The following LIPA variants were observed in gnomAD, a reference collection of about 807,000 sequenced individuals.
LIPA encodes lysosomal acid lipase/cholesteryl ester hydrolase.
A neutral mutation model predicts 40.6 loss-of-function variants in LIPA; 26 were observed. The ratio of observed to expected loss-of-function variants is 0.64; its 90% CI spans 0.47 to 0.89. The LOEUF (loss-of-function observed/expected upper bound fraction) is 0.89, where lower values mean the gene tolerates loss of function less well. Among genes scored for constraint, LIPA ranks in the 40% least tolerant of loss-of-function variants. The pLI, the probability that LIPA is intolerant of heterozygous loss-of-function variation, is 0.00. For synonymous variants in LIPA, 188 were observed against 168.4 expected, an observed-to-expected ratio of 1.12 and a Z score of -0.90; for missense variants, 455 against 479.6, an observed-to-expected ratio of 0.95 and a Z score of 0.48.
At chr10:89,286,570 C>A (rs570218748) in intron 1 of LIPA, among the ~76,000 whole-genome samples, 1 of 152,136 alleles carries the variant, frequency 6.6e-6, no homozygotes. Flanking sequence ...AATCAGTTAG[C>A]GTTTAGGCTC....
intron 1 of LIPA, among the ~76,000 whole-genome samples, chr10:89,249,273 G>T (rs1319709845): frequency 6.6e-6 from 1 of 152,236 alleles, no homozygotes; most frequent in Non-Finnish European, 1.5e-5. Context: ...TGGCAGTGAT[G>T]ACTCAAAATC....
At chr10:89,329,776 A>C (rs994391529) in intron 1 of LIPA, among the ~76,000 whole-genome samples, 1 of 152,202 alleles carries the variant, frequency 6.6e-6, no homozygotes, top group Non-Finnish European at 1.5e-5. Context: ...GTTTCATGCA[A>C]GTCCGTGTGA....
rs1251334725 is a variant in LIPA, at chr10:89,384,687, G to A, written c.61+28104C>T. ...AAGGAGAAGTAAGTGATGCTTTGCT[G>A]TGCTATGAGAGGGCTCTGAGGCTGG... On this transcript the variant is annotated intron_variant, in intron 2 of 8. Transcript: ENST00000371837. 10 of 1,614,070 alleles carry A rather than the reference G, an allele frequency of 6.2e-6. No individual in the cohort carries two copies. In the Admixed American group the frequency reaches 1.7e-4, roughly 27 times the overall value.
intron 1 of LIPA, among the ~76,000 whole-genome samples, chr10:89,257,679 A>G (rs1843187958): frequency 6.6e-6 from 1 of 152,174 alleles, no homozygotes; most frequent in South Asian, 2.1e-4. Context: ...TAGTTTAGGG[A>G]GGCCAAATCC....
chr10:89,402,661 C>CAA, intron 2 of LIPA: 1 of 1,614,224 alleles, frequency 6.2e-7, no homozygotes, highest in African/African-American at 1.3e-5. Context: ...AAGAAGCTTT[C>CAA]AAATCCCTTC....
chr10:89,409,262 G>C (rs992887316), intron 2 of LIPA, among the ~76,000 whole-genome samples: 1 of 152,158 alleles, frequency 6.6e-6, no homozygotes, highest in East Asian at 1.9e-4. Context: ...TAGGGACCAA[G>C]AGGAACAGGC....
At chr10:89,254,431 G>C (rs532174400), upstream of LIPA, among the ~76,000 whole-genome samples, 35 of 152,250 alleles carry the variant, frequency 2.3e-4, no homozygotes, top group East Asian at 3.9e-3. Flanking sequence ...AGAGTGACTG[G>C]GACACAGGCT....
In LIPA at chr10:89,245,659, T is replaced by G; in HGVS notation, c.229+17A>C. ...CCAGAAGAATTCTGGTTTTTACTTT[T>G]AAGAGCCTTCCCATACCTTTGTCAG... On this transcript the variant is annotated intron_variant, in intron 3 of 9. Transcript: ENST00000336233. 1 of 1,317,210 alleles carries G rather than the reference T, an allele frequency of 7.6e-7. No individual in the cohort carries two copies. The highest frequency in any genetic ancestry group is 1.1e-6 in the Non-Finnish European group (1 of 909,756). The allele number at this position is 1,317,210 out of a possible 1,614,324, so 81.6% of individuals were successfully genotyped here.
At chr10:89,231,609 G>A (rs962115978) in intron 3 of LIPA, among the ~76,000 whole-genome samples, 1 of 152,150 alleles carries the variant, frequency 6.6e-6, no homozygotes, top group Non-Finnish European at 1.5e-5. Flanking sequence ...GAAGAACTGG[G>A]ATTACAGGTG....
At chr10:89,287,815 T>A (rs1290058273) in intron 1 of LIPA, among the ~76,000 whole-genome samples, 1 of 152,180 alleles carries the variant, frequency 6.6e-6, no homozygotes, top group Non-Finnish European at 1.5e-5. Flanking sequence ...AGACAGGTCT[T>A]ACAGGTTAGT....
At chr10:89,396,148 T>C (rs1417145744) in intron 2 of LIPA, among the ~76,000 whole-genome samples, 6 of 152,194 alleles carry the variant, frequency 3.9e-5, no homozygotes, top group Admixed American at 6.5e-5. Flanking sequence ...TATGGTAATA[T>C]TATGTTTAAC....
At position 89,383,478 on chromosome 10, in the gene LIPA, C is replaced by A; in HGVS notation, c.61+29313G>T. ...ACACCAAATACAATGTGGGAATACA[C>A]AACCTACTAGCCTATGTGAAACACC... On this transcript the variant is annotated intron_variant, in intron 2 of 8. Transcript: ENST00000371837. 1.2e-6 allele frequency: 2 copies of A among 1,614,218 alleles called. No individual in the cohort carries two copies.
intron 2 of LIPA, among the ~76,000 whole-genome samples, chr10:89,361,557 C>G (rs187914542): frequency 6.6e-6 from 1 of 152,068 alleles, no homozygotes; most frequent in Non-Finnish European, 1.5e-5. Context: ...TCCTGAGAAA[C>G]GAAAGTGTCA....
intron 2 of LIPA, among the ~76,000 whole-genome samples, chr10:89,390,842 A>AT (rs1354765174): frequency 1.3e-5 from 2 of 152,308 alleles, no homozygotes; most frequent in Non-Finnish European, 2.9e-5. Flanking sequence ...TTGAAAACCC[A>AT]TTTTTTCCCA....
chr10:89,231,873 G>A (rs1842846476), intron 3 of LIPA, among the ~76,000 whole-genome samples: 1 of 152,154 alleles, frequency 6.6e-6, no homozygotes, highest in African/African-American at 2.4e-5. Flanking sequence ...GACAAGATTA[G>A]GGCTGCTTTA....
chr10:89,355,527 T>C lies in LIPA; in HGVS notation c.61+57264A>G, dbSNP rs964809968. ...TTGAAATTATAAAGGATACAACTAT[T>C]AGAGACATTTGAACCAGAGAAACTC... is the stretch of plus-strand genomic sequence containing the variant. On this transcript the variant is annotated intron_variant, in intron 2 of 8. Coordinates refer to the LIPA transcript ENST00000371837. Among the ~76,000 whole-genome samples the C allele has an allele frequency of 2.0e-5, 3 of 152,192 alleles. No individual in the cohort carries two copies. The East Asian group carries it at 5.8e-4, about 29-fold the overall frequency.
At chr10:89,269,321 AAAT>A (rs1201953908) in intron 1 of LIPA, among the ~76,000 whole-genome samples, 1 of 152,168 alleles carries the variant, frequency 6.6e-6, no homozygotes, top group East Asian at 1.9e-4. Flanking sequence ...AGAGTCAAAA[AAAT>A]AATAATAATA....
At position 89,400,956 on chromosome 10, in the gene LIPA, GT is replaced by G. The variant is rs151176238; in HGVS notation, c.61+11834del. Among the ~76,000 whole-genome samples, 167 of 146,660 alleles carry G rather than the reference GT, an allele frequency of 1.1e-3. 2 individuals are homozygous for G. The highest frequency in any genetic ancestry group is 2.5e-3 in the Admixed American group (37 of 14,754). On this transcript the variant is annotated intron_variant, in intron 2 of 8. Transcript: ENST00000371837. ...CCCCTGTATTAGTAGTCTATAGTCT[GT>G]TTTTTTTTTCATAAAGGGTGTTGAA...
At position 89,319,486 on chromosome 10, in the gene LIPA, C is replaced by T. The variant is rs1048344543; in HGVS notation, c.-2+23125G>A. ...GAAGAAATGGATAAATTCATGGACA[C>T]ATACACCCTCCCAAGACTAAACCAG... On this transcript the variant is annotated intron_variant, in intron 1 of 5. Coordinates refer to the LIPA transcript ENST00000282673. Among the ~76,000 whole-genome samples, 13 of 152,276 alleles carry T rather than the reference C, an allele frequency of 8.5e-5. No individual in the cohort carries two copies. In the South Asian group the frequency reaches 1.9e-3, roughly 22 times the overall value.
Sources: gnomAD v4.1 joint callset for allele counts (sites outside exome capture counted in the v4.1 genomes callset) on GRCh38, gnomAD v4.1.1 for gene constraint, MANE v1.5 for transcripts, NCBI Gene and HGNC (gene_info 2026-07-23, HGNC 2026-07-21) for gene names.